Variants in GHR observed in about 807,000 individuals in gnomAD.
The protein encoded by GHR is growth hormone receptor.
Under a neutral mutation model 67.1 loss-of-function variants are expected in GHR, and 35 were observed. The observed-to-expected ratio is 0.52, with a 90% CI of 0.40 to 0.69. The LOEUF (loss-of-function observed/expected upper bound fraction) is 0.69. GHR is among the 30% of genes least tolerant of loss of function. GHR has a pLI of 0.00. For missense variants in GHR, 792 were observed against 764.6 expected (o/e 1.04, Z -0.42); for synonymous variants, 272 against 269.1 (o/e 1.01, Z -0.10).
chr5:42,476,791 C>T (rs1374653030), intron 1 of GHR, among the ~76,000 whole-genome samples: 1 of 152,182 alleles, frequency 6.6e-6, no homozygotes, highest in Non-Finnish European at 1.5e-5. Flanking sequence ...AATAGTCTAT[C>T]AGTAAAACCC....
At chr5:42,605,717 T>G (rs757934115) in intron 2 of GHR, among the ~76,000 whole-genome samples, 9 of 152,238 alleles carry the variant, frequency 5.9e-5, no homozygotes, top group East Asian at 1.9e-4. Context: ...GCAGGTCTCA[T>G]TAGCTGTCCT....
At chr5:42,554,816 T>G (rs575147431) in intron 1 of GHR, among the ~76,000 whole-genome samples, 2 of 152,338 alleles carry the variant, frequency 1.3e-5, no homozygotes, top group South Asian at 4.1e-4. Context: ...TTTGAATATA[T>G]TGAGTTAAAT....
Position 42,534,268 on chromosome 5 carries a change from G to T in GHR, c.-11-31596G>T, listed in dbSNP as rs570103940. Reference sequence around the variant, plus strand: ...TATGTATATATGTACATGTGTATATGTGTATATATGTATATATGTACATGT... The same window carrying T: ...TATGTATATATGTACATGTGTATATTTGTATATATGTATATATGTACATGT... On this transcript the variant is annotated intron_variant, in intron 1 of 9. Transcript: ENST00000230882. Among the ~76,000 whole-genome samples the T allele has an allele frequency of 3.0e-5, 4 of 133,142 alleles. No homozygotes were observed. The East Asian group carries it at 9.1e-4, about 30-fold the overall frequency. The allele number at this position is 133,142 out of a possible 152,430, so 87.3% of individuals were successfully genotyped here.
At chr5:42,522,382 T>C (rs1023773602) in intron 1 of GHR, among the ~76,000 whole-genome samples, 5 of 152,330 alleles carry the variant, frequency 3.3e-5, no homozygotes, top group Non-Finnish European at 7.4e-5. Context: ...ATTAAAGACA[T>C]TTTCTGTTTG....
intron 2 of GHR, among the ~76,000 whole-genome samples, chr5:42,614,211 T>C (rs1753027021): frequency 6.6e-6 from 1 of 152,150 alleles, no homozygotes; most frequent in African/African-American, 2.4e-5. Flanking sequence ...TAGTTTCAGA[T>C]GTTGTGACAC....
intron 1 of GHR, chr5:42,467,892 C>A: frequency 1.3e-6 from 1 of 788,070 alleles, no homozygotes; most frequent in South Asian, 1.7e-5. Flanking sequence ...CATTTCTGGT[C>A]TTCCTCTTCT....
At chr5:42,570,867 T>C (rs990207593) in intron 2 of GHR, among the ~76,000 whole-genome samples, 1 of 152,134 alleles carries the variant, frequency 6.6e-6, no homozygotes, top group African/African-American at 2.4e-5. Flanking sequence ...TAAAAGTGAA[T>C]TTGAAAGGGA....
intron 2 of GHR, among the ~76,000 whole-genome samples, chr5:42,570,261 GTCTTCACC>G (rs1750214830): frequency 6.6e-6 from 1 of 152,210 alleles, no homozygotes; most frequent in South Asian, 2.1e-4. Context: ...GATTGCTGCT[GTCTTCACC>G]ATAATCCAGA....
chr5:42,572,578 C>T (rs960502528), intron 2 of GHR, among the ~76,000 whole-genome samples: 1 of 152,148 alleles, frequency 6.6e-6, no homozygotes, highest in African/African-American at 2.4e-5. Flanking sequence ...GACCAGGAGG[C>T]CTTGGGGCTT....
chr5:42,436,238 T>C (rs1232909686), intron 1 of GHR, among the ~76,000 whole-genome samples: 1 of 152,184 alleles, frequency 6.6e-6, no homozygotes, highest in Non-Finnish European at 1.5e-5. Context: ...GATTCACAGC[T>C]AGTAACACAG....
chr5:42,519,936 G>A (rs565280087), intron 1 of GHR, among the ~76,000 whole-genome samples: 1 of 152,322 alleles, frequency 6.6e-6, no homozygotes, highest in Non-Finnish European at 1.5e-5. Flanking sequence ...ACTAAGACAT[G>A]CATGCATGTA....
At chr5:42,586,603 T>C (rs1430961310) in intron 2 of GHR, among the ~76,000 whole-genome samples, 1 of 152,224 alleles carries the variant, frequency 6.6e-6, no homozygotes, top group African/African-American at 2.4e-5. Context: ...TTGTTGCTCT[T>C]AGCTGCTCAA....
At chr5:42,634,292 C>A (rs1195386141) in intron 3 of GHR, among the ~76,000 whole-genome samples, 2 of 151,998 alleles carry the variant, frequency 1.3e-5, no homozygotes, top group African/African-American at 2.4e-5. Context: ...TTATTTTATT[C>A]CAATGTGTAT....
At chr5:42,696,525 C>T in intron 5 of GHR, among the ~76,000 whole-genome samples, 1 of 152,112 alleles carries the variant, frequency 6.6e-6, no homozygotes, top group East Asian at 1.9e-4. Context: ...AGTGGACTTG[C>T]CTTTCAGTAA....
chr5:42,671,749 G>A (rs1756316473), intron 3 of GHR, among the ~76,000 whole-genome samples: 1 of 151,682 alleles, frequency 6.6e-6, no homozygotes, highest in South Asian at 2.1e-4. Context: ...GAGGTCAGGA[G>A]ATCGAGACCA....
rs1449738730 is a variant in GHR, at chr5:42,701,751, G to A, written c.618+1749G>A. Among the ~76,000 whole-genome samples, 3 of 152,260 alleles carry A rather than the reference G, an allele frequency of 2.0e-5. No individual in the cohort carries two copies. In the East Asian group the frequency reaches 5.8e-4, roughly 29 times the overall value. Reference sequence around the variant, plus strand: ...AATATTTGAAGACTTTTCTTGAAGAGATTGATGGTGATATTAATGAAAGTG... The same window carrying A: ...AATATTTGAAGACTTTTCTTGAAGAAATTGATGGTGATATTAATGAAAGTG... On this transcript the variant is annotated intron_variant, in intron 6 of 9. Transcript: ENST00000230882.
chr5:42,711,129 T>A, intron 6 of GHR, 78 bp from the exon 7 acceptor site: 1 of 1,014,882 alleles, frequency 9.9e-7, no homozygotes, highest in Non-Finnish European at 1.6e-6. Context: ...TGAATAAAAA[T>A]GGGAGAATAC....
chr5:42,475,909 T>C (rs867471312), intron 1 of GHR, among the ~76,000 whole-genome samples: 8 of 136,888 alleles, frequency 5.8e-5, no homozygotes, highest in Non-Finnish European at 1.2e-4. Context: ...GATTAAAAAT[T>C]TTTTTTTTTT....
intron 1 of GHR, among the ~76,000 whole-genome samples, chr5:42,484,896 A>G (rs1011119872): frequency 2.0e-5 from 3 of 152,198 alleles, no homozygotes; most frequent in African/African-American, 7.2e-5. Context: ...CTCTAGAAGT[A>G]CCCGTAATAT....
Sources: gnomAD v4.1 joint callset for allele counts (sites outside exome capture counted in the v4.1 genomes callset) on GRCh38, gnomAD v4.1.1 for gene constraint, MANE v1.5 for transcripts, NCBI Gene and HGNC (gene_info 2026-07-23, HGNC 2026-07-21) for gene names.